The following H2BC5 variants were observed in gnomAD, a reference collection of about 807,000 sequenced individuals.
H2BC5 encodes H2B clustered histone 5.
Under a neutral mutation model 5.7 loss-of-function variants are expected in H2BC5, and 9 were observed. The ratio of observed to expected loss-of-function variants is 1.57; its 90% CI spans 0.95 to 2.74. The LOEUF (loss-of-function observed/expected upper bound fraction) is 2.74. H2BC5 is among the 30% of genes most tolerant of loss of function. The probability of loss-of-function intolerance (pLI) is 0.00; values close to 1 mark genes in which losing one functional copy is unlikely to be tolerated. For missense variants in H2BC5, 175 were observed against 168.8 expected, an observed-to-expected ratio of 1.04 and a Z score of -0.20; for synonymous variants, 133 against 70.9, an observed-to-expected ratio of 1.88 and a Z score of -4.40.
downstream of H2BC5, chr6:26,161,277 A>C (rs1019009909): frequency 2.0e-5 from 3 of 152,240 alleles, no homozygotes; most frequent in African/African-American, 7.2e-5. Context: ...AAAAGTGACC[A>C]CATAGATTTG....
chr6:26,170,507 TC>T (rs1186105548), intron 1 of H2BC5, among the ~76,000 whole-genome samples: 1 of 152,262 alleles, frequency 6.6e-6, no homozygotes, highest in African/African-American at 2.4e-5. Context: ...GGTTTCACTT[TC>T]CTCATCTATA....
downstream of H2BC5, chr6:26,158,616 A>G: frequency 6.3e-7 from 1 of 1,586,460 alleles, no homozygotes; most frequent in South Asian, 1.1e-5. Context: ...CATGTTTTCA[A>G]TAAATGAGTT....
At chr6:26,158,950 G>T (rs1163710550), downstream of H2BC5, among the ~76,000 whole-genome samples, 2 of 152,146 alleles carry the variant, frequency 1.3e-5, no homozygotes, top group African/African-American at 4.8e-5. Context: ...ACTTCCTTAT[G>T]TTTGGAGCTT....
chr6:26,159,261 T>TGTTTTTG (rs1561968584), downstream of H2BC5, among the ~76,000 whole-genome samples: 24 of 143,368 alleles, frequency 1.7e-4, 1 homozygote, highest in East Asian at 4.6e-3. Context: ...TTTTTTTTTT[T>TGTTTTTG]TTTTTTTTTT....
At chr6:26,161,501 T>C (rs1764350566), downstream of H2BC5, among the ~76,000 whole-genome samples, 1 of 152,098 alleles carries the variant, frequency 6.6e-6, no homozygotes, top group African/African-American at 2.4e-5. Flanking sequence ...CTGGGCAAGG[T>C]GACTCATGCT....
rs1171187813 is a variant in H2BC5 at position 26,158,436 on chromosome 6, C to T, written c.267C>T (p.Thr89=). 31 of 1,614,170 alleles carry T rather than the reference C, an allele frequency of 1.9e-5. No individual in the cohort carries two copies. Among genetic ancestry groups the T allele is most frequent in the Non-Finnish European group, 2.4e-5 (28 of 1,180,060 alleles). The change falls in exon 1 of 1, where the codon ACC becomes ACT. Residue 89 remains threonine (T), a synonymous_variant. Coordinates refer to ENST00000377777, the MANE Select transcript of H2BC5 (RefSeq NM_021063.4). ...TGGCGCATTACAACAAGCGCTCGAC[C>T]ATCACCTCCAGGGAGATCCAGACGG... ...SRLAHYNKRS[T]ITSREIQTAV...
At chr6:26,163,128 C>G (rs201336959), downstream of H2BC5, among the ~76,000 whole-genome samples, 1 of 126,644 alleles carries the variant, frequency 7.9e-6, no homozygotes, top group Non-Finnish European at 1.7e-5. Context: ...TTTTTTTTTT[C>G]TTTTAGATTT....
chr6:26,164,412 C>T lies in H2BC5; in HGVS notation c.*9+5853C>T, dbSNP rs898789786. On this transcript the variant is annotated intron_variant, in intron 1 of 1. Transcript: ENST00000289316. Reference sequence around the variant, plus strand: ...AAGAAGTGCATGGCCATGCCCAGTCCCAGGACAGGGAACAAAAAAGGACAA... The same window carrying T: ...AAGAAGTGCATGGCCATGCCCAGTCTCAGGACAGGGAACAAAAAAGGACAA... The T allele has an allele frequency of 2.4e-5, 5 of 204,164 alleles. No homozygotes were observed. The Admixed American group carries it at 2.9e-4, about 12-fold the overall frequency. 12.6% of individuals were successfully genotyped at this position (204,164 alleles called of 1,614,324 possible). A position where few individuals can be genotyped will look rare whatever the true frequency, so the allele number is the denominator to read the frequency against.
chr6:26,169,105 T>C, intron 1 of H2BC5, among the ~76,000 whole-genome samples: 1 of 152,256 alleles, frequency 6.6e-6, no homozygotes, highest in East Asian at 1.9e-4. Flanking sequence ...ATTTAATATA[T>C]AAAACTTAAG....
downstream of H2BC5, among the ~76,000 whole-genome samples, chr6:26,162,656 C>T (rs1297526565): frequency 2.6e-4 from 39 of 152,076 alleles, no homozygotes; most frequent in Non-Finnish European, 1.5e-5. Context: ...TTCATCTCAG[C>T]CACCTGAATA....
chr6:26,158,182 A>T lies in H2BC5; in HGVS notation c.13A>T (p.Thr5Ser). Reference protein sequence around the residue: MPEPTKSAPAPKKGS... With the variant: MPEPSKSAPAPKKGS... ...TATTAACGCTACGATGCCTGAACCT[A>T]CCAAGTCTGCTCCTGCCCCAAAGAA... is the stretch of plus-strand genomic sequence containing the variant. The change falls in exon 1 of 1, where the codon ACC becomes TCC. Residue 5 changes from threonine to serine, a missense_variant. By Grantham distance (58) the Thr-to-Ser change is moderately conservative (BLOSUM62 1). Transcript: ENST00000377777. The T allele has an allele frequency of 6.2e-7, 1 of 1,614,002 alleles. No homozygotes were observed. Among genetic ancestry groups the T allele is most frequent in the Non-Finnish European group, 8.5e-7 (1 of 1,179,946 alleles).
chr6:26,163,860 C>T (rs1457928096), intron 1 of H2BC5, among the ~76,000 whole-genome samples: 1 of 152,108 alleles, frequency 6.6e-6, no homozygotes, highest in Non-Finnish European at 1.5e-5. Flanking sequence ...CTTACTGCAC[C>T]TTGGAACTCC....
downstream of H2BC5, among the ~76,000 whole-genome samples, chr6:26,159,852 A>AT (rs770689741): frequency 7.0e-4 from 106 of 152,320 alleles, no homozygotes; most frequent in Middle Eastern, 3.4e-3. Context: ...CTAAATTCTT[A>AT]AAAGTAAGAA....
chr6:26,160,409 C>T (rs1042351211), downstream of H2BC5, among the ~76,000 whole-genome samples: 1 of 149,504 alleles, frequency 6.7e-6, no homozygotes, highest in Admixed American at 6.7e-5. Context: ...ACAAAAGCAA[C>T]AGACAATGGG....
At chr6:26,160,149 A>G (rs1764328985), downstream of H2BC5, among the ~76,000 whole-genome samples, 3 of 152,158 alleles carry the variant, frequency 2.0e-5, no homozygotes, top group South Asian at 6.2e-4. Context: ...CAAGCCATCG[A>G]TGCTTACTTG....
intron 1 of H2BC5, among the ~76,000 whole-genome samples, chr6:26,167,677 A>G (rs1764451932): frequency 6.6e-6 from 1 of 152,104 alleles, no homozygotes; most frequent in Non-Finnish European, 1.5e-5. Flanking sequence ...ACCCTCCTGA[A>G]TGGAATCCTC....
intron 1 of H2BC5, chr6:26,164,094 G>A: frequency 2.2e-6 from 1 of 455,948 alleles, no homozygotes. Flanking sequence ...AAATACCTCA[G>A]CAAATTCCAA....
intron 1 of H2BC5, among the ~76,000 whole-genome samples, chr6:26,170,594 T>C (rs1296446540): frequency 6.6e-6 from 1 of 152,232 alleles, no homozygotes; most frequent in Admixed American, 6.5e-5. Context: ...AAAACAGTGA[T>C]GGACTTTTAG....
chr6:26,159,243 GTTTTTTTTTTTTTT>G (rs35999697), downstream of H2BC5, among the ~76,000 whole-genome samples: 26 of 61,444 alleles, frequency 4.2e-4, no homozygotes, highest in Admixed American at 3.9e-3. Flanking sequence ...TAATTTATAG[GTTTTTTTTTTTTTT>G]TTTTTTTTTT....
Sources: gnomAD v4.1 joint callset for allele counts (sites outside exome capture counted in the v4.1 genomes callset) on GRCh38, gnomAD v4.1.1 for gene constraint, MANE v1.5 for transcripts, NCBI Gene and HGNC (gene_info 2026-07-23, HGNC 2026-07-21) for gene names.